KCNIP4: variants seen among roughly 807,000 people sequenced by gnomAD.
KCNIP4 encodes potassium voltage-gated channel interacting protein 4.
KCNIP4 carries 12 observed loss-of-function variants against 34.0 expected under a neutral mutation model. The ratio of observed to expected loss-of-function variants is 0.35; its 90% CI spans 0.23 to 0.57. The LOEUF (loss-of-function observed/expected upper bound fraction) is 0.57, where lower values mean the gene tolerates loss of function less well. Ranked by LOEUF, KCNIP4 falls within the 20% of genes least tolerant of loss-of-function variation. KCNIP4 has a pLI of 0.83. For synonymous variants in KCNIP4, 124 were observed against 102.2 expected (o/e 1.21, Z -1.29); for missense variants, 238 against 311.7 (o/e 0.76, Z 1.78).
chr4:21,259,579 T>C (rs16870639), intron 1 of KCNIP4, among the ~76,000 whole-genome samples: 41,441 of 152,080 alleles, frequency 0.27, 9,752 homozygotes, highest in African/African-American at 0.64. Context: ...ACTCTTGTTA[T>C]TACAGAAAAA....
intron 1 of KCNIP4, among the ~76,000 whole-genome samples, chr4:21,172,461 G>T (rs1754083431): frequency 6.6e-6 from 1 of 152,144 alleles, no homozygotes; most frequent in Non-Finnish European, 1.5e-5. Context: ...AAAACTAGTG[G>T]GGGGAAGAGA....
At chr4:20,943,591 C>G (rs1294279868) in intron 1 of KCNIP4, among the ~76,000 whole-genome samples, 1 of 152,132 alleles carries the variant, frequency 6.6e-6, no homozygotes, top group Non-Finnish European at 1.5e-5. Context: ...GGATGGCTAA[C>G]CCCATTTTAT....
At chr4:21,405,563 A>T (rs1723913713) in intron 1 of KCNIP4, among the ~76,000 whole-genome samples, 1 of 152,188 alleles carries the variant, frequency 6.6e-6, no homozygotes. Context: ...ACTATGTGCC[A>T]CTTTCTAGTT....
intron 1 of KCNIP4, among the ~76,000 whole-genome samples, chr4:21,021,587 T>G (rs1740042253): frequency 6.6e-6 from 1 of 152,222 alleles, no homozygotes; most frequent in Admixed American, 6.5e-5. Context: ...AAAAAGAAAT[T>G]TTTGTTAAAG....
At chr4:20,983,148 T>C (rs1033939152) in intron 1 of KCNIP4, among the ~76,000 whole-genome samples, 5 of 152,208 alleles carry the variant, frequency 3.3e-5, no homozygotes, top group African/African-American at 1.2e-4. Flanking sequence ...TCATTTTGGA[T>C]AGCAAGAGTA....
At chr4:21,328,433 T>G (rs1715302037) in intron 1 of KCNIP4, among the ~76,000 whole-genome samples, 1 of 152,168 alleles carries the variant, frequency 6.6e-6, no homozygotes, top group African/African-American at 2.4e-5. Flanking sequence ...GAGTCACTCT[T>G]TGTGTGCTGA....
chr4:21,229,657 A>C (rs1326300113), intron 1 of KCNIP4, among the ~76,000 whole-genome samples: 3 of 152,140 alleles, frequency 2.0e-5, no homozygotes, highest in Non-Finnish European at 4.4e-5. Flanking sequence ...TGGAGAGAGG[A>C]TGCACAGCCA....
chr4:21,285,817 G>A (rs575250092), intron 1 of KCNIP4, among the ~76,000 whole-genome samples: 2 of 152,202 alleles, frequency 1.3e-5, no homozygotes, highest in South Asian at 2.1e-4. Flanking sequence ...CTCCAGGCTG[G>A]GTGATACAGC....
intron 3 of KCNIP4, among the ~76,000 whole-genome samples, chr4:20,824,135 C>T (rs935567122): frequency 2.0e-5 from 3 of 152,134 alleles, no homozygotes; most frequent in South Asian, 2.1e-4. Context: ...TATTACCGTA[C>T]AGTTATGCAC....
At chr4:21,922,305 A>C (rs1728980717) in intron 1 of KCNIP4, among the ~76,000 whole-genome samples, 1 of 151,908 alleles carries the variant, frequency 6.6e-6, no homozygotes, top group Non-Finnish European at 1.5e-5. Flanking sequence ...CTCCAAAATA[A>C]CCTACACTCT....
intron 3 of KCNIP4, among the ~76,000 whole-genome samples, chr4:20,791,086 A>C (rs1200883771): frequency 1.3e-5 from 2 of 152,208 alleles, no homozygotes; most frequent in East Asian, 3.8e-4. Flanking sequence ...TTACATATAC[A>C]AGGCAAACTA....
intron 1 of KCNIP4, among the ~76,000 whole-genome samples, chr4:21,299,058 T>G (rs1036236661): frequency 1.5e-4 from 23 of 152,230 alleles, no homozygotes; most frequent in Admixed American, 3.3e-4. Context: ...AGGTCTAAGT[T>G]TTCTTATATC....
At chr4:21,609,152 C>G (rs1262553725) in intron 1 of KCNIP4, among the ~76,000 whole-genome samples, 1 of 152,006 alleles carries the variant, frequency 6.6e-6, no homozygotes, top group Non-Finnish European at 1.5e-5. Context: ...ATAGGAAGAA[C>G]AGGAATGGAT....
At position 20,855,818 on chromosome 4, in the gene KCNIP4, G is replaced by T. The variant is rs111950787; in HGVS notation, c.164-5151C>A. On this transcript the variant is annotated intron_variant, in intron 2 of 8. Coordinates refer to ENST00000382152, the MANE Select transcript of KCNIP4 (RefSeq NM_025221.6). Reference sequence around the variant, plus strand: ...AATGGAAAAGCTTCAGAATAGTGACGGATGAATAAAAATAATAGAAAAGGA... The same window carrying T: ...AATGGAAAAGCTTCAGAATAGTGACTGATGAATAAAAATAATAGAAAAGGA... Among the ~76,000 whole-genome samples, 5 of 152,140 alleles carry T rather than the reference G, an allele frequency of 3.3e-5. No individual in the cohort carries two copies. The South Asian group carries it at 8.3e-4, about 25-fold the overall frequency.
intron 1 of KCNIP4, among the ~76,000 whole-genome samples, chr4:21,926,364 C>T (rs933511596): frequency 1.3e-5 from 2 of 152,138 alleles, no homozygotes; most frequent in Non-Finnish European, 2.9e-5. Flanking sequence ...AATTAAACTC[C>T]ATTACTTAGA....
chr4:20,767,127 T>C (rs965914652), intron 3 of KCNIP4: 1 of 152,186 alleles, frequency 6.6e-6, no homozygotes, highest in Non-Finnish European at 1.5e-5. Flanking sequence ...CACTGTAACA[T>C]CAATGCCGAT....
At chr4:21,652,323 T>C (rs1747557064) in intron 1 of KCNIP4, among the ~76,000 whole-genome samples, 1 of 152,074 alleles carries the variant, frequency 6.6e-6, no homozygotes, top group Admixed American at 6.5e-5. Context: ...GGCAACAGAG[T>C]GTCAGGCTCT....
intron 1 of KCNIP4, among the ~76,000 whole-genome samples, chr4:21,716,175 C>A (rs562021158): frequency 6.6e-6 from 1 of 152,202 alleles, no homozygotes; most frequent in African/African-American, 2.4e-5. Flanking sequence ...TCTACGGAAC[C>A]CCAAGTCTAT....
chr4:21,797,132 T>C (rs1274299156), intron 1 of KCNIP4, among the ~76,000 whole-genome samples: 6 of 152,202 alleles, frequency 3.9e-5, no homozygotes. Context: ...TATGCCTGTC[T>C]GCCTCATTAA....
Sources: allele counts gnomAD v4.1 joint callset (sites outside exome capture counted in the v4.1 genomes callset), GRCh38; gene constraint gnomAD v4.1.1; transcripts MANE v1.5; gene names NCBI Gene and HGNC (gene_info 2026-07-23, HGNC 2026-07-21).